XIRP2: variants seen among roughly 807,000 people sequenced by gnomAD.
XIRP2 encodes xin actin binding repeat containing 2, also known as xin actin-binding repeat-containing protein 2.
A neutral mutation model predicts 277.0 loss-of-function variants in XIRP2; 236 were observed. The ratio of observed to expected loss-of-function variants is 0.85; its 90% confidence interval spans 0.77 to 0.95. XIRP2 has a LOEUF of 0.95. Among genes scored for constraint, XIRP2 ranks in the 40% least tolerant of loss-of-function variants. The pLI is 0.00. For synonymous variants in XIRP2, 1,490 were observed against 1,416.5 expected (o/e 1.05, Z -1.17); for missense variants, 4,640 against 4,157.5 (o/e 1.12, Z -3.19).
intron 4 of XIRP2, 147 bp from the exon 5 acceptor site, chr2:167,218,019 G>T (rs1038108113): frequency 1.5e-5 from 9 of 595,704 alleles, no homozygotes; most frequent in Non-Finnish European, 2.3e-5. Context: ...TAAGGTTTTT[G>T]TTAAAGACAT....
chr2:167,008,671 T>C (rs1026508372), intron 2 of XIRP2, among the ~76,000 whole-genome samples: 6 of 151,776 alleles, frequency 4.0e-5, no homozygotes, highest in African/African-American at 1.4e-4. Context: ...TGTTGACATA[T>C]ACAACTGTGA....
chr2:166,975,088 T>C (rs975055590), intron 2 of XIRP2, among the ~76,000 whole-genome samples: 1 of 152,100 alleles, frequency 6.6e-6, no homozygotes, highest in African/African-American at 2.4e-5. Context: ...AAAATGTCAA[T>C]ACATAAATAA....
At chr2:167,018,566 C>T (rs1687896030) in intron 2 of XIRP2, among the ~76,000 whole-genome samples, 1 of 152,008 alleles carries the variant, frequency 6.6e-6, no homozygotes, top group South Asian at 2.1e-4. Context: ...AGAATTCAGG[C>T]ATAAGCCACA....
intron 3 of XIRP2, among the ~76,000 whole-genome samples, chr2:167,201,982 G>T (rs1693733069): frequency 6.6e-6 from 1 of 152,024 alleles, no homozygotes; most frequent in African/African-American, 2.4e-5. Flanking sequence ...ACTAAAATGG[G>T]AATAAACCAC....
chr2:167,117,351 T>A (rs1690925418), intron 2 of XIRP2, among the ~76,000 whole-genome samples: 1 of 152,188 alleles, frequency 6.6e-6, no homozygotes, highest in African/African-American at 2.4e-5. Flanking sequence ...TGTATCAGCT[T>A]CTTTTTTCTC....
At chr2:167,002,192 T>G (rs956781444) in intron 2 of XIRP2, among the ~76,000 whole-genome samples, 2 of 152,080 alleles carry the variant, frequency 1.3e-5, no homozygotes, top group Non-Finnish European at 2.9e-5. Flanking sequence ...CCTGCAATTT[T>G]AAAATCAGAT....
chr2:167,095,058 T>G (rs545998311), intron 2 of XIRP2, among the ~76,000 whole-genome samples: 64 of 152,114 alleles, frequency 4.2e-4, no homozygotes, highest in Non-Finnish European at 8.2e-4. Context: ...ATTCCTAGGT[T>G]TTTTATTCTC....
intron 2 of XIRP2, among the ~76,000 whole-genome samples, chr2:167,063,768 AG>A (rs1452091704): frequency 6.6e-6 from 1 of 151,520 alleles, no homozygotes; most frequent in Non-Finnish European, 1.5e-5. Flanking sequence ...TGTATTTTCT[AG>A]GTTTATATTT....
At chr2:166,942,859 AG>A (rs1318657201) in intron 2 of XIRP2, among the ~76,000 whole-genome samples, 2 of 152,172 alleles carry the variant, frequency 1.3e-5, no homozygotes, top group Non-Finnish European at 2.9e-5. Context: ...TGCTGCCATA[AG>A]TGTTAAAAAT....
chr2:167,105,751 T>C (rs1031953108), intron 2 of XIRP2, among the ~76,000 whole-genome samples: 2 of 151,810 alleles, frequency 1.3e-5, no homozygotes, highest in Non-Finnish European at 2.9e-5. Context: ...TTTTCCAGAG[T>C]ACATGTACCA....
At chr2:166,934,004 T>C (rs1039276278) in intron 2 of XIRP2, among the ~76,000 whole-genome samples, 17 of 151,892 alleles carry the variant, frequency 1.1e-4, no homozygotes, top group Admixed American at 8.5e-4. Flanking sequence ...TGAGGAAGAT[T>C]TGAGAATTAC....
rs10497323 is a variant in XIRP2, at chr2:167,243,228, T to C, written c.1836T>C (p.Gly612=). 0.19 allele frequency: 313,406 copies of C among 1,613,762 alleles called. 36,887 individuals carry two copies. The highest frequency in any genetic ancestry group is 0.52 in the African/African-American group (38,807 of 74,908). ...GIADQEIIAG[G]DVKYTTWMFE... The stretch of plus-strand genomic sequence containing the variant: ...CTGATCAAGAAATCATTGCTGGTGG[T>C]GATGTGAAATATACCACATGGATGT... Residue 612 remains glycine (G), a synonymous_variant, in exon 9 of 11, where the codon GGT becomes GGC. Transcript: ENST00000409195.
At chr2:167,073,340 A>G (rs1422598951) in intron 2 of XIRP2, among the ~76,000 whole-genome samples, 3 of 152,168 alleles carry the variant, frequency 2.0e-5, no homozygotes, top group Non-Finnish European at 4.4e-5. Context: ...TCTTTGTAAT[A>G]TAAATAACAA....
chr2:167,048,564 A>G (rs1270568386), intron 2 of XIRP2, among the ~76,000 whole-genome samples: 2 of 151,812 alleles, frequency 1.3e-5, no homozygotes, highest in African/African-American at 4.8e-5. Flanking sequence ...TATTAGAGAA[A>G]TCATAGTTTC....
At chr2:166,982,339 A>G (rs1186553010) in intron 2 of XIRP2, among the ~76,000 whole-genome samples, 1 of 147,730 alleles carries the variant, frequency 6.8e-6, no homozygotes, top group Non-Finnish European at 1.5e-5. Context: ...AAAAAAAAAC[A>G]GTCTGGGTTA....
intron 2 of XIRP2, among the ~76,000 whole-genome samples, chr2:167,082,461 A>C (rs1000338418): frequency 6.6e-6 from 1 of 152,002 alleles, no homozygotes; most frequent in Non-Finnish European, 1.5e-5. Context: ...GTATATACCC[A>C]GTAATGGGAT....
intron 1 of XIRP2, among the ~76,000 whole-genome samples, chr2:166,892,414 T>C (rs1235490055): frequency 6.6e-6 from 1 of 152,184 alleles, no homozygotes; most frequent in Admixed American, 6.6e-5. Context: ...GAGACATGTG[T>C]TGATCTTTCA....
rs528568997 is a variant in XIRP2, at chr2:167,179,940, C to A, written c.563-30795C>A. 2.0e-5 allele frequency among the ~76,000 whole-genome samples: 3 copies of A among 152,266 alleles called. No individual in the cohort carries two copies. In the South Asian group the frequency reaches 6.2e-4, roughly 32 times the overall value. On this transcript the variant is annotated intron_variant, in intron 3 of 10. Transcript: ENST00000409195. The stretch of plus-strand genomic sequence containing the variant: ...TGGATTACAGGCATGGGCCACTGCA[C>A]CTGATCAGAAATTTTTTATATATTC...
In XIRP2 at chr2:167,135,930, T is replaced by G. The variant is rs1008034648; in HGVS notation, c.430T>G (p.Leu144Val). ...GGKEVEIERS[L>V]CSPAFKSHPG... ...ACAGGAAGTGGAAATTGAGCGAAGT[T>G]TGTGCTCGCCAGCTTTTAAGAGTCA... The change falls in exon 3 of 11, where the codon TTG (leucine) becomes GTG (valine). Residue 144 changes from leucine (L) to valine (V), a missense_variant. Leu to Val is a conservative substitution (Grantham distance 32). Transcript: ENST00000409195. 3 of 1,602,030 alleles carry G rather than the reference T, an allele frequency of 1.9e-6. No individual in the cohort carries two copies. In the African/African-American group the frequency reaches 4.0e-5, roughly 22 times the overall value.
Sources: allele counts gnomAD v4.1 joint callset (sites outside exome capture counted in the v4.1 genomes callset), GRCh38; gene constraint gnomAD v4.1.1; transcripts MANE v1.5; gene names NCBI Gene and HGNC (gene_info 2026-07-23, HGNC 2026-07-21).